The following PDS5A variants were observed in gnomAD, a reference collection of about 807,000 sequenced individuals.
The protein encoded by PDS5A is PDS5 cohesin associated factor A.
Under a neutral mutation model 167.1 loss-of-function variants are expected in PDS5A, and 42 were observed. That is an observed-to-expected ratio of 0.25 (90% CI 0.20 to 0.33). PDS5A has a LOEUF of 0.33. Ranked by LOEUF, PDS5A falls within the 10% of genes least tolerant of loss-of-function variation. The pLI is 1.00. For synonymous variants in PDS5A, 553 were observed against 554.6 expected (o/e 1.00, Z 0.04); for missense variants, 1,033 against 1,605.9 (o/e 0.64, Z 6.10).
In PDS5A at chr4:39,823,344, C is replaced by T. The variant is rs1335480549; in HGVS notation, c.*2141G>A. The T allele has an allele frequency of 6.6e-6, 1 of 152,216 alleles. No homozygotes were observed. The highest frequency in any genetic ancestry group is 2.4e-5 in the African/African-American group (1 of 41,470). The allele number at this position is 152,216 out of a possible 1,614,324, so 9.4% of individuals were successfully genotyped here. A position where few individuals can be genotyped will look rare whatever the true frequency, so the allele number is the denominator to read the frequency against. On this transcript the variant is annotated 3_prime_UTR_variant, in exon 33 of 33. Transcript: ENST00000303538. Reference sequence around the variant, plus strand: ...TTACAAAATTGGGGTGGGCCACTTACATCATACAAGGAGCAAATCCTTTTA... The same window carrying T: ...TTACAAAATTGGGGTGGGCCACTTATATCATACAAGGAGCAAATCCTTTTA...
At chr4:39,905,858 G>GA (rs35446555) in intron 11 of PDS5A, among the ~76,000 whole-genome samples, 18,389 of 148,762 alleles carry the variant, frequency 0.12, 1,302 homozygotes, top group African/African-American at 0.21. Context: ...AAGGAGGGAA[G>GA]AAAAAAAGGA....
chr4:39,965,693 C>T (rs992360483), intron 2 of PDS5A, among the ~76,000 whole-genome samples: 2 of 152,100 alleles, frequency 1.3e-5, no homozygotes, highest in Non-Finnish European at 2.9e-5. Flanking sequence ...GTAAGGTAAT[C>T]GCTTCTGAGC....
chr4:39,954,979 G>A (rs1728792256), intron 2 of PDS5A, among the ~76,000 whole-genome samples: 1 of 152,024 alleles, frequency 6.6e-6, no homozygotes, highest in Non-Finnish European at 1.5e-5. Flanking sequence ...GGTGGAGGCA[G>A]CAGTGAGCCA....
chr4:39,840,253 C>T (rs1422767651), intron 31 of PDS5A, among the ~76,000 whole-genome samples: 2 of 152,330 alleles, frequency 1.3e-5, no homozygotes, highest in Admixed American at 1.3e-4. Context: ...TGCACCACTC[C>T]TCTCCTGCCA....
intron 17 of PDS5A, among the ~76,000 whole-genome samples, chr4:39,883,776 G>A (rs892297418): frequency 3.9e-5 from 6 of 151,910 alleles, no homozygotes; most frequent in Non-Finnish European, 5.9e-5. Context: ...GACCACAGGC[G>A]CATGCCATGG....
intron 7 of PDS5A, 143 bp downstream of exon 7, chr4:39,920,176 A>G (rs564020574): frequency 1.0e-5 from 4 of 383,924 alleles, no homozygotes; most frequent in African/African-American, 8.4e-5. Flanking sequence ...CTTATGCTGC[A>G]TTTCTCTAAC....
At chr4:39,829,313 T>C (rs757132184) in intron 32 of PDS5A, among the ~76,000 whole-genome samples, 2 of 152,150 alleles carry the variant, frequency 1.3e-5, no homozygotes, top group African/African-American at 2.4e-5. Context: ...ATAAAAATAG[T>C]TGGCACTTTC....
chr4:39,923,638 AAC>A (rs10664167), intron 5 of PDS5A, among the ~76,000 whole-genome samples: 9,957 of 125,038 alleles, frequency 0.08, 1,072 homozygotes, highest in African/African-American at 0.25. Flanking sequence ...CCTGTCTCAA[AAC>A]ACACACACAC....
intron 2 of PDS5A, among the ~76,000 whole-genome samples, chr4:39,957,614 T>G (rs934936672): frequency 2.6e-5 from 4 of 151,874 alleles, no homozygotes; most frequent in African/African-American, 9.7e-5. Flanking sequence ...TGAAACCCCA[T>G]CTCTACTAAA....
intron 2 of PDS5A, among the ~76,000 whole-genome samples, chr4:39,951,866 C>T (rs2109788463): frequency 7.2e-6 from 1 of 139,678 alleles, no homozygotes; most frequent in African/African-American, 2.8e-5. Flanking sequence ...CGCCACTGCA[C>T]TCCAGCCTGG....
chr4:39,880,733 T>C (rs765805441), intron 17 of PDS5A, among the ~76,000 whole-genome samples: 84 of 152,162 alleles, frequency 5.5e-4, no homozygotes, highest in Non-Finnish European at 1.1e-3. Flanking sequence ...AGACATATAA[T>C]GCATGGTGAT....
chr4:39,915,541 G>A (rs1450964139), intron 8 of PDS5A, among the ~76,000 whole-genome samples: 1 of 151,494 alleles, frequency 6.6e-6, no homozygotes, highest in Admixed American at 6.6e-5. Flanking sequence ...TGTATTTTTT[G>A]TAGAGATGGG....
At chr4:39,955,007 G>T (rs1436987362) in intron 2 of PDS5A, among the ~76,000 whole-genome samples, 1 of 151,798 alleles carries the variant, frequency 6.6e-6, no homozygotes, top group Non-Finnish European at 1.5e-5. Context: ...GAAACTGAAC[G>T]CCAGCCAGCC....
At chr4:39,834,237 G>T (rs917067065) in intron 32 of PDS5A, among the ~76,000 whole-genome samples, 1 of 151,772 alleles carries the variant, frequency 6.6e-6, no homozygotes, top group African/African-American at 2.4e-5. Flanking sequence ...GTGGTCCAGT[G>T]AAAGGAAAAG....
intron 26 of PDS5A, among the ~76,000 whole-genome samples, chr4:39,853,507 C>A (rs1471477784): frequency 6.6e-6 from 1 of 152,200 alleles, no homozygotes; most frequent in Non-Finnish European, 1.5e-5. Context: ...CCCTCACCTA[C>A]CAGTAGACTC....
intron 32 of PDS5A, chr4:39,836,956 GCAC>G (rs1716477382): frequency 6.9e-6 from 1 of 144,886 alleles, no homozygotes; most frequent in Non-Finnish European, 1.5e-5. Context: ...TTACAGGCAT[GCAC>G]CACCACACCT....
At chr4:39,905,961 A>T (rs1243963662) in intron 11 of PDS5A, among the ~76,000 whole-genome samples, 1 of 152,074 alleles carries the variant, frequency 6.6e-6, no homozygotes, top group Non-Finnish European at 1.5e-5. Flanking sequence ...AACAAAGACA[A>T]ATTAGATAAC....
At chr4:39,831,246 G>A (rs1278734740) in intron 32 of PDS5A, among the ~76,000 whole-genome samples, 2 of 152,194 alleles carry the variant, frequency 1.3e-5, no homozygotes, top group Non-Finnish European at 2.9e-5. Flanking sequence ...CTAGAGGCGC[G>A]TGCGCCACCA....
chr4:39,891,484 A>C (rs1014172470), intron 16 of PDS5A, among the ~76,000 whole-genome samples: 2 of 151,684 alleles, frequency 1.3e-5, no homozygotes, highest in African/African-American at 4.8e-5. Flanking sequence ...CCCCATCTCT[A>C]TTAAAAATAC....
Sources: gnomAD v4.1 joint callset for allele counts (sites outside exome capture counted in the v4.1 genomes callset) on GRCh38, gnomAD v4.1.1 for gene constraint, MANE v1.5 for transcripts, NCBI Gene and HGNC (gene_info 2026-07-23, HGNC 2026-07-21) for gene names.